The following RANBP2 variants were observed in gnomAD, a reference collection of about 807,000 sequenced individuals.
RANBP2 encodes RAN binding protein 2.
A neutral mutation model predicts 303.6 loss-of-function variants in RANBP2; 57 were observed. The observed-to-expected ratio is 0.19, with a 90% CI of 0.15 to 0.23. The LOEUF (loss-of-function observed/expected upper bound fraction) is 0.23, where lower values mean the gene tolerates loss of function less well. Ranked by LOEUF, RANBP2 falls within the 10% of genes least tolerant of loss-of-function variation. The pLI is 1.00. For synonymous variants in RANBP2, 1,167 were observed against 1,301.5 expected, an observed-to-expected ratio of 0.90 and a Z score of 2.23; for missense variants, 3,138 against 3,780.8, an observed-to-expected ratio of 0.83 and a Z score of 4.46.
the RANBP2 span, among the ~76,000 whole-genome samples, chr2:109,765,281 C>T: frequency 6.1e-5 from 9 of 146,622 alleles, no homozygotes; most frequent in Non-Finnish European, 1.3e-4. Context: ...CCACCCACCA[C>T]CCCTTGAACA....
the RANBP2 span, among the ~76,000 whole-genome samples, chr2:109,612,278 T>C: frequency 2.0e-5 from 3 of 152,114 alleles, no homozygotes; most frequent in Middle Eastern, 0.01. Flanking sequence ...TAAAAACGAA[T>C]CACTGATTGT....
rs1476726082 is a variant in RANBP2, at chr2:108,766,166, GTTC to G, written c.5632_5634del (p.Ser1878del). The stretch of plus-strand genomic sequence containing the variant: ...AATTCACCTTCATTTATGTTTCAGG[GTTC>G]TTCTAATACAGAATTTAAGTCAACC... On this transcript the variant is annotated inframe_deletion, in exon 20 of 29. Coordinates refer to ENST00000283195, the MANE Select transcript of RANBP2 (RefSeq NM_006267.5). 6 of 1,612,496 alleles carry G rather than the reference GTTC, an allele frequency of 3.7e-6. No homozygotes were observed. The African/African-American group carries it at 8.0e-5, about 22-fold the overall frequency.
chr2:109,564,695 G>A, the RANBP2 span, among the ~76,000 whole-genome samples: 1 of 152,166 alleles, frequency 6.6e-6, no homozygotes, highest in Non-Finnish European at 1.5e-5. Flanking sequence ...TGTAACCAAG[G>A]AAGAAACTCT....
chr2:109,286,877 C>T, the RANBP2 span, among the ~76,000 whole-genome samples: 1 of 152,158 alleles, frequency 6.6e-6, no homozygotes, highest in South Asian at 2.1e-4. Flanking sequence ...GTTGACCGGT[C>T]TGTCCCCAGA....
the RANBP2 span, among the ~76,000 whole-genome samples, chr2:109,701,053 C>G: frequency 6.6e-6 from 1 of 152,164 alleles, no homozygotes; most frequent in African/African-American, 2.4e-5. Context: ...GCAGGAGACG[C>G]GTTCACAGGA....
chr2:108,939,738 C>G, the RANBP2 span, among the ~76,000 whole-genome samples: 3 of 152,210 alleles, frequency 2.0e-5, no homozygotes, highest in Admixed American at 1.3e-4. Flanking sequence ...TTGTTTTCTG[C>G]CAATGGGCTA....
At chr2:109,490,949 G>T in the RANBP2 span, 2 of 1,468,082 alleles carry the variant, frequency 1.4e-6, no homozygotes, top group Non-Finnish European at 1.8e-6. Flanking sequence ...AAGTGCAGGG[G>T]CTTGTCTGCT....
At chr2:109,454,205 T>C in the RANBP2 span, among the ~76,000 whole-genome samples, 1 of 152,194 alleles carries the variant, frequency 6.6e-6, no homozygotes, top group Non-Finnish European at 1.5e-5. Context: ...TTACAACAAT[T>C]ACAATCCTCA....
chr2:109,399,664 A>T, the RANBP2 span, among the ~76,000 whole-genome samples: 3 of 152,244 alleles, frequency 2.0e-5, no homozygotes, highest in Admixed American at 2.0e-4. Context: ...TTTTTAAATA[A>T]TGAACAATAT....
the RANBP2 span, among the ~76,000 whole-genome samples, chr2:109,351,155 T>G: frequency 1.3e-5 from 2 of 152,180 alleles, no homozygotes; most frequent in African/African-American, 4.8e-5. Flanking sequence ...CATGTGCAAA[T>G]AAAAAGACGA....
chr2:109,013,009 G>A, the RANBP2 span, among the ~76,000 whole-genome samples: 3 of 152,176 alleles, frequency 2.0e-5, no homozygotes, highest in African/African-American at 4.8e-5. Flanking sequence ...CTCTTTAAAG[G>A]GCCGAGTAGG....
chr2:108,875,347 C>A, the RANBP2 span, among the ~76,000 whole-genome samples: 5 of 146,814 alleles, frequency 3.4e-5, no homozygotes, highest in African/African-American at 7.5e-5. Context: ...GAAACAAATT[C>A]TTAATGATTG....
At chr2:108,780,616 GC>G (rs1282773752) in intron 25 of RANBP2, among the ~76,000 whole-genome samples, 2 of 150,752 alleles carry the variant, frequency 1.3e-5, no homozygotes, top group East Asian at 1.9e-4. Flanking sequence ...TGCAACTTCT[GC>G]CCCCCAGGTT....
chr2:109,198,166 G>A, the RANBP2 span, among the ~76,000 whole-genome samples: 1 of 152,278 alleles, frequency 6.6e-6, no homozygotes, highest in East Asian at 1.9e-4. Flanking sequence ...GTGCAGGGAT[G>A]GCCACAGCAG....
chr2:109,462,839 G>A, the RANBP2 span, among the ~76,000 whole-genome samples: 1 of 152,190 alleles, frequency 6.6e-6, no homozygotes, highest in Non-Finnish European at 1.5e-5. Flanking sequence ...CTGATCACCT[G>A]TGCTCCATAA....
chr2:109,567,738 T>C, the RANBP2 span: 4 of 1,353,576 alleles, frequency 3.0e-6, no homozygotes, highest in South Asian at 5.4e-5. Context: ...TGAAAGTGTA[T>C]TAGCAGCAAT....
chr2:108,882,426 AACAG>A, the RANBP2 span: 2 of 152,194 alleles, frequency 1.3e-5, no homozygotes, highest in African/African-American at 2.4e-5. Context: ...CCTTCTGATG[AACAG>A]ACAGAAGTGT....
chr2:108,769,750 T>G (rs1055927175), intron 20 of RANBP2, among the ~76,000 whole-genome samples: 33 of 151,812 alleles, frequency 2.2e-4, no homozygotes, highest in African/African-American at 8.0e-4. Context: ...ATGGACCCCG[T>G]TTTTAACAGC....
At chr2:109,585,776 A>G in the RANBP2 span, 1 of 1,614,030 alleles carries the variant, frequency 6.2e-7, no homozygotes, top group Non-Finnish European at 8.5e-7. Context: ...TCACCAGCTG[A>G]TCAGGCAAAC....
Sources: allele counts gnomAD v4.1 joint callset (sites outside exome capture counted in the v4.1 genomes callset), GRCh38; gene constraint gnomAD v4.1.1; transcripts MANE v1.5; gene names NCBI Gene and HGNC (gene_info 2026-07-23, HGNC 2026-07-21).